The following SZT2 variants were observed in gnomAD, a reference collection of about 807,000 sequenced individuals.
SZT2 encodes SZT2 subunit of KICSTOR complex.
In SZT2, 216 loss-of-function variants were observed where a neutral mutation model predicts 404.2. The ratio of observed to expected loss-of-function variants is 0.53; its 90% CI spans 0.48 to 0.60. The LOEUF (loss-of-function observed/expected upper bound fraction) is 0.60, where lower values mean the gene tolerates loss of function less well. SZT2 is among the 20% of genes least tolerant of loss of function. The pLI is 0.00. For missense variants in SZT2, 3,857 were observed against 4,459.2 expected (o/e 0.86, Z 3.85); for synonymous variants, 1,693 against 1,749.9 (o/e 0.97, Z 0.81).
Position 43,452,963 on chromosome 1 carries a change from C to G in SZT2, c.*2483C>G. The G allele has an allele frequency of 6.2e-7, 1 of 1,609,772 alleles. No homozygotes were observed. The highest frequency in any genetic ancestry group is 8.5e-7 in the Non-Finnish European group (1 of 1,178,654). On this transcript the variant is annotated 3_prime_UTR_variant, in exon 72 of 72. Coordinates refer to ENST00000634258, the MANE Select transcript of SZT2 (RefSeq NM_001365999.1). The stretch of plus-strand genomic sequence containing the variant: ...GCCTCCTCTTGCCACAGCACCCTTG[C>G]AAGGAACACTCAACTTCCTGCCCAT...
In SZT2 at chr1:43,407,605, A is replaced by G. The variant is rs558109929; in HGVS notation, c.498+3055A>G. On this transcript the variant is annotated intron_variant, in intron 4 of 71. Coordinates refer to ENST00000634258, the MANE Select transcript of SZT2 (RefSeq NM_001365999.1). ...CTACTTGGGAGGCTGAGGTGAAAGA[A>G]TTATTTGAGGCCAGGAGTTTGAGAC... Among the ~76,000 whole-genome samples, 6 of 152,124 alleles carry G rather than the reference A, an allele frequency of 3.9e-5. No individual in the cohort carries two copies. The South Asian group carries it at 1.2e-3, about 32-fold the overall frequency.
At chr1:43,436,089 C>A (rs543766625) in intron 42 of SZT2, 1 of 152,334 alleles carries the variant, frequency 6.6e-6, no homozygotes, top group South Asian at 2.1e-4. Flanking sequence ...TAACTGAAGT[C>A]TCGACACTTC....
In SZT2 at chr1:43,431,344, C is replaced by T; in HGVS notation, c.4996C>T (p.Pro1666Ser). Reference protein sequence around the residue: ...SSLRSDDGLGPPLPPPEEERH... With the variant: ...SSLRSDDGLGSPLPPPEEERH... ...TTTAAGGTCAGATGATGGCCTCGGG[C>T]CCCCACTGCCACCCCCAGAAGAGGA... Residue 1666 changes from proline (P) to serine (S), a missense_variant, in exon 34 of 72, where the codon CCC becomes TCC. Pro to Ser is a moderately conservative substitution (Grantham distance 74). This residue lies in a region of SZT2 where 1,725 missense variants were observed against 1,881.0 expected (regional missense o/e 0.92). Transcript: ENST00000634258. 6.2e-7 allele frequency: 1 copy of T among 1,612,294 alleles called. No homozygotes were observed. Among genetic ancestry groups the T allele is most frequent in the Non-Finnish European group, 8.5e-7 (1 of 1,178,686 alleles).
intron 7 of SZT2, among the ~76,000 whole-genome samples, chr1:43,417,704 G>A (rs1342568587): frequency 1.3e-5 from 2 of 152,218 alleles, no homozygotes; most frequent in African/African-American, 4.8e-5. Context: ...CTTAAGAAAT[G>A]GCTGCTATTT....
intron 26 of SZT2, 113 bp downstream of exon 26, chr1:43,427,847 C>T (rs1320357058): frequency 2.9e-6 from 4 of 1,392,940 alleles, no homozygotes; most frequent in Admixed American, 4.1e-5. Flanking sequence ...CCTGCTGGCT[C>T]CTTGCTTGAT....
chr1:43,447,143 C>A lies in SZT2; in HGVS notation c.9261C>A (p.His3087Gln), dbSNP rs1224351620. 1 of 1,613,198 alleles carries A rather than the reference C, an allele frequency of 6.2e-7. No homozygotes were observed. Among genetic ancestry groups the A allele is most frequent in the South Asian group, 1.1e-5 (1 of 90,974 alleles). The change falls in exon 66 of 72, where the codon CAC becomes CAA. Residue 3087 changes from histidine (H) to glutamine (Q), a missense_variant. By Grantham distance (24) the His-to-Gln change is conservative. Transcript: ENST00000634258. ...HFLAHHPDGP[H>Q]FGRNHIYQGT... is the part of the protein sequence containing the mutation. The stretch of plus-strand genomic sequence containing the variant: ...TGGCCCACCACCCTGACGGACCCCA[C>A]TTTGGCCGCAATCACATTTACCAAG...
chr1:43,391,232 T>A (rs1648272177), intron 1 of SZT2, among the ~76,000 whole-genome samples: 1 of 152,022 alleles, frequency 6.6e-6, no homozygotes, highest in Non-Finnish European at 1.5e-5. Flanking sequence ...GAGAATCGCT[T>A]GAACCCGGGA....
At position 43,443,471 on chromosome 1, in the gene SZT2, C is replaced by T. The variant is rs375848057; in HGVS notation, c.8619C>T (p.Asp2873=). ...HGPPETSGPP[D]GQRRHRPESG... is the part of the protein sequence containing the mutation. ...CCCCAGAGACCTCTGGACCCCCTGA[C>T]GGGCAGGTAAGGCTGACTCCCAGAC... Residue 2873 remains aspartate (D), a synonymous_variant, in exon 61 of 72, where the codon GAC becomes GAT. Coordinates refer to ENST00000634258, the MANE Select transcript of SZT2 (RefSeq NM_001365999.1). 101 of 1,614,046 alleles carry T rather than the reference C, an allele frequency of 6.3e-5. No homozygotes were observed. Among genetic ancestry groups the T allele is most frequent in the Middle Eastern group, 1.6e-4 (1 of 6,082 alleles).
chr1:43,425,649 G>T lies in SZT2; in HGVS notation c.2814+7G>T. The T allele has an allele frequency of 3.1e-6, 5 of 1,613,624 alleles. No individual in the cohort carries two copies. Among genetic ancestry groups the T allele is most frequent in the Non-Finnish European group, 4.2e-6 (5 of 1,179,996 alleles). On this transcript the variant is annotated splice_region_variant and intron_variant, in intron 19 of 71. Coordinates refer to ENST00000634258, the MANE Select transcript of SZT2 (RefSeq NM_001365999.1). The surrounding 1 kb of genome is among the most constrained non-coding windows in gnomAD (Gnocchi z 4.3). Reference sequence around the variant, plus strand: ...TTCTGAGATCCCGCAAGCTGTGAGTGTCCTCAGAACAGTACCCGCACCTCT... The same window carrying T: ...TTCTGAGATCCCGCAAGCTGTGAGTTTCCTCAGAACAGTACCCGCACCTCT...
Position 43,441,830 on chromosome 1 carries a change from TCC to T in SZT2, c.7742+13_7742+14del, listed in dbSNP as rs771647944. 6.2e-7 allele frequency: 1 copy of T among 1,613,650 alleles called. No homozygotes were observed. Among genetic ancestry groups the T allele is most frequent in the Non-Finnish European group, 8.5e-7 (1 of 1,179,708 alleles). Reference sequence around the variant, plus strand: ...TTTGAGCAGCATTTGTGAGTGTAGATCCTATAGAATTGAAGGGAACTCCCCTA... The same window carrying T: ...TTTGAGCAGCATTTGTGAGTGTAGATTATAGAATTGAAGGGAACTCCCCTA... On this transcript the variant is annotated intron_variant, in intron 55 of 71. Coordinates refer to ENST00000634258, the MANE Select transcript of SZT2 (RefSeq NM_001365999.1). This position sits in a 1 kb window ranked among gnomAD's most constrained non-coding sequence, Gnocchi z 4.8.
chr1:43,409,701 C>T (rs1376878722), intron 4 of SZT2: 1 of 173,932 alleles, frequency 5.7e-6, no homozygotes, highest in African/African-American at 2.4e-5. Context: ...AGGAATTAAC[C>T]AAAGAAGTGA....
chr1:43,446,034 C>T (rs761918946), intron 63 of SZT2, 50 bp downstream of exon 63: 39 of 1,598,880 alleles, frequency 2.4e-5, no homozygotes, highest in Middle Eastern at 1.7e-4. Flanking sequence ...TACTTTCCCA[C>T]GGCCTGAGGT....
In SZT2 at chr1:43,420,464, G is replaced by A; in HGVS notation, c.1261+141G>A. On this transcript the variant is annotated intron_variant, in intron 9 of 71. Coordinates refer to ENST00000634258, the MANE Select transcript of SZT2 (RefSeq NM_001365999.1). The surrounding 1 kb of genome is among the most constrained non-coding windows in gnomAD (Gnocchi z 5.1). ...ACAGTGGGTTTTGAATTGTCATCAGGGCTTAATTCTCTTAGCATGGAGCTT... is the reference window on the plus strand; with the variant it reads ...ACAGTGGGTTTTGAATTGTCATCAGAGCTTAATTCTCTTAGCATGGAGCTT... 8.4e-7 allele frequency: 1 copy of A among 1,184,708 alleles called. No homozygotes were observed. The highest frequency in any genetic ancestry group is 2.6e-5 in the East Asian group (1 of 38,902). The allele number at this position is 1,184,708 out of a possible 1,614,324, so 73.4% of individuals were successfully genotyped here.
chr1:43,451,234 G>T lies in SZT2; in HGVS notation c.*754G>T. 4 of 1,613,782 alleles carry T rather than the reference G, an allele frequency of 2.5e-6. No individual in the cohort carries two copies. The highest frequency in any genetic ancestry group is 3.4e-6 in the Non-Finnish European group (4 of 1,179,868). On this transcript the variant is annotated 3_prime_UTR_variant, in exon 72 of 72. Transcript: ENST00000634258. ...CTGGAGGCACGTGGGTGGTGTGCGG[G>T]CCCTCACTGGCCAGCCTCTGGGTGG...
At chr1:43,421,357 G>A in intron 11 of SZT2, 54 bp downstream of exon 11, 1 of 1,581,382 alleles carries the variant, frequency 6.3e-7, no homozygotes, top group Non-Finnish European at 8.5e-7. Flanking sequence ...GGGTTGCACA[G>A]CATCTGGAGC....
At chr1:43,401,394 A>G (rs1339377209) in intron 1 of SZT2, among the ~76,000 whole-genome samples, 1 of 152,258 alleles carries the variant, frequency 6.6e-6, no homozygotes, top group Non-Finnish European at 1.5e-5. Flanking sequence ...CTCACAGCTA[A>G]TAAGTGGATG....
chr1:43,407,026 A>G (rs1258128346), intron 4 of SZT2: 1 of 152,262 alleles, frequency 6.6e-6, no homozygotes, highest in Non-Finnish European at 1.5e-5. Flanking sequence ...TGTGGCTAAT[A>G]TGGAGGATGG....
At position 43,426,890 on chromosome 1, in the gene SZT2, C is replaced by A; in HGVS notation, c.3309+81C>A. 1.3e-6 allele frequency: 2 copies of A among 1,555,696 alleles called. No homozygotes were observed. Among genetic ancestry groups the A allele is most frequent in the Non-Finnish European group, 1.8e-6 (2 of 1,134,986 alleles). On this transcript the variant is annotated intron_variant, in intron 23 of 71. Transcript: ENST00000634258. The surrounding 1 kb of genome is among the most constrained non-coding windows in gnomAD (Gnocchi z 4.9). ...ACATCTTCAGGCCCCAACCTTCTAC[C>A]GCCCTTGAGACTAAATGGCATCTGC...
chr1:43,435,640 GAC>G (rs1177859964), intron 42 of SZT2: 4 of 243,646 alleles, frequency 1.6e-5, no homozygotes, highest in African/African-American at 6.8e-5. Flanking sequence ...GCAGTGAAGA[GAC>G]AGAGAAAATA....
Sources: gnomAD v4.1 joint callset for allele counts (sites outside exome capture counted in the v4.1 genomes callset) on GRCh38, gnomAD v4.1.1 for gene constraint, gnomAD v4.1.1 regional missense constraint, Gnocchi (gnomAD v3.1) non-coding constraint, MANE v1.5 for transcripts, NCBI Gene and HGNC (gene_info 2026-07-23, HGNC 2026-07-21) for gene names.